The following TXK variants were observed in gnomAD, a reference collection of about 807,000 sequenced individuals.
TXK encodes the protein TXK tyrosine kinase.
Under a neutral mutation model 81.0 loss-of-function variants are expected in TXK, and 60 were observed. The ratio of observed to expected loss-of-function variants is 0.74; its 90% confidence interval spans 0.60 to 0.92. The LOEUF (loss-of-function observed/expected upper bound fraction) is 0.92, where lower values mean the gene tolerates loss of function less well. Among genes scored for constraint, TXK ranks in the 40% least tolerant of loss-of-function variants. The probability of loss-of-function intolerance (pLI) is 0.00; values close to 1 mark genes in which losing one functional copy is unlikely to be tolerated. For missense variants in TXK, 581 were observed against 638.3 expected, an observed-to-expected ratio of 0.91 and a Z score of 0.97; for synonymous variants, 203 against 210.7, an observed-to-expected ratio of 0.96 and a Z score of 0.32.
intron 3 of TXK, 73 bp from the exon 4 acceptor site, chr4:48,112,585 A>G: frequency 6.9e-7 from 1 of 1,458,422 alleles, no homozygotes; most frequent in South Asian, 1.4e-5. Flanking sequence ...GGGACAAAGC[A>G]TATTTGCCTT....
chr4:48,107,410 G>GC, intron 5 of TXK, among the ~76,000 whole-genome samples: 1 of 147,458 alleles, frequency 6.8e-6, no homozygotes, highest in South Asian at 2.2e-4. Flanking sequence ...CACACTACCT[G>GC]CTACCACCTT....
intron 1 of TXK, 45 bp downstream of exon 1, chr4:48,134,110 C>A (rs777263016): frequency 8.1e-6 from 13 of 1,610,848 alleles, no homozygotes; most frequent in Admixed American, 1.7e-5. Flanking sequence ...ATAACAGGCC[C>A]CAGAACAAGC....
chr4:48,108,033 T>G (rs1006890419), intron 5 of TXK, among the ~76,000 whole-genome samples: 3 of 152,040 alleles, frequency 2.0e-5, no homozygotes, highest in South Asian at 4.2e-4. Context: ...ATCACGACAC[T>G]GCACTCCAGC....
At chr4:48,106,507 A>G (rs1220236932) in intron 5 of TXK, among the ~76,000 whole-genome samples, 3 of 152,140 alleles carry the variant, frequency 2.0e-5, no homozygotes, top group African/African-American at 7.2e-5. Flanking sequence ...CAGGAATCCT[A>G]TGAACATTTT....
At chr4:48,120,598 C>T (rs1718932121) in intron 1 of TXK, among the ~76,000 whole-genome samples, 1 of 151,680 alleles carries the variant, frequency 6.6e-6, no homozygotes, top group African/African-American at 2.4e-5. Context: ...TCAAGCAATT[C>T]TCCTGCCTCA....
At chr4:48,079,173 TTA>T (rs1346169083) in intron 11 of TXK, among the ~76,000 whole-genome samples, 2 of 152,166 alleles carry the variant, frequency 1.3e-5, no homozygotes, top group Admixed American at 1.3e-4. Context: ...TGGGAGGAAT[TTA>T]TAGTTTATAG....
intron 5 of TXK, chr4:48,106,013 G>GA (rs1403384357): frequency 6.6e-6 from 1 of 151,976 alleles, no homozygotes; most frequent in African/African-American, 2.4e-5. Flanking sequence ...GAAGGAGAAA[G>GA]AAAAAATGGT....
intron 11 of TXK, among the ~76,000 whole-genome samples, chr4:48,077,277 A>AC (rs1192320430): frequency 2.0e-5 from 3 of 152,298 alleles, no homozygotes; most frequent in Admixed American, 2.0e-4. Context: ...ATGTAGGTAG[A>AC]TAAACTATTT....
In TXK at chr4:48,126,550, G is replaced by T. The variant is rs181113739; in HGVS notation, c.16+7605C>A. Among the ~76,000 whole-genome samples the T allele has an allele frequency of 3.9e-5, 6 of 152,244 alleles. No homozygotes were observed. The East Asian group carries it at 1.2e-3, about 29-fold the overall frequency. ...GAGTCTTGCTCTGTCATCCAGGCTG[G>T]AGTGCAGTGGCATGATCTCGGCTCA... On this transcript the variant is annotated intron_variant, in intron 1 of 14. Transcript: ENST00000264316.
At chr4:48,088,272 A>T (rs2109423547) in intron 9 of TXK, among the ~76,000 whole-genome samples, 1 of 152,338 alleles carries the variant, frequency 6.6e-6, no homozygotes, top group Middle Eastern at 3.4e-3. Context: ...ACATCTAAAC[A>T]TATGCATAGC....
chr4:48,094,996 T>G lies in TXK; in HGVS notation c.581+147A>C, dbSNP rs1204961836. 3 of 685,176 alleles carry G rather than the reference T, an allele frequency of 4.4e-6. No homozygotes were observed. In the Admixed American group the frequency reaches 8.0e-5, roughly 18 times the overall value. The allele number at this position is 685,176 out of a possible 1,614,324, so 42.4% of individuals were successfully genotyped here. A position where few individuals can be genotyped will look rare whatever the true frequency, so the allele number is the denominator to read the frequency against. ...AACTTATGCAATGTCACACAGAGCA[T>G]GCTAGGGATATATCACGGACTGGTT... On this transcript the variant is annotated intron_variant, in intron 7 of 14. Transcript: ENST00000264316.
Position 48,071,540 on chromosome 4 carries a change from C to T in TXK, c.1492G>A (p.Val498Ile). ...PHLAPMSIYEVMYSCWHEKPE... is the reference protein window; with the variant it reads ...PHLAPMSIYEIMYSCWHEKPE... ...ACCTCATGCCAGCAGCTGTACATGA[C>T]TTCATATATGGACATTGGTGCCAGG... Residue 498 changes from valine (V) to isoleucine (I), a missense_variant, in exon 14 of 15, where the codon GTC (valine) becomes ATC (isoleucine). Physicochemically the swap from Val to Ile is conservative, Grantham distance 29. Coordinates refer to ENST00000264316, the MANE Select transcript of TXK (RefSeq NM_003328.3). The T allele has an allele frequency of 6.2e-7, 1 of 1,614,008 alleles. No homozygotes were observed.
intron 10 of TXK, among the ~76,000 whole-genome samples, chr4:48,083,826 G>A (rs988108658): frequency 7.9e-5 from 12 of 152,166 alleles, no homozygotes; most frequent in Non-Finnish European, 1.6e-4. Flanking sequence ...TTCAGAGTAT[G>A]ACAAGTACTT....
At chr4:48,115,468 A>G (rs565547590) in intron 1 of TXK, among the ~76,000 whole-genome samples, 27 of 152,316 alleles carry the variant, frequency 1.8e-4, no homozygotes, top group Admixed American at 1.6e-3. Context: ...ATTTGAAGAA[A>G]GAACTAGCTA....
At chr4:48,090,794 C>T (rs996683087) in intron 8 of TXK, among the ~76,000 whole-genome samples, 3 of 152,094 alleles carry the variant, frequency 2.0e-5, no homozygotes, top group African/African-American at 4.8e-5. Flanking sequence ...CAAGGCAGAC[C>T]GGATAACATA....
chr4:48,081,876 A>G (rs763231820), intron 10 of TXK, among the ~76,000 whole-genome samples: 1 of 152,178 alleles, frequency 6.6e-6, no homozygotes, highest in African/African-American at 2.4e-5. Context: ...TTCGCCTGAT[A>G]TAATAATGTA....
intron 9 of TXK, among the ~76,000 whole-genome samples, chr4:48,088,668 A>T (rs988858293): frequency 2.6e-5 from 4 of 152,212 alleles, no homozygotes; most frequent in Admixed American, 2.6e-4. Context: ...TTGTTTTTAA[A>T]TTTTTTAAGT....
intron 6 of TXK, among the ~76,000 whole-genome samples, chr4:48,099,140 C>T (rs1407671596): frequency 6.6e-6 from 1 of 152,126 alleles, no homozygotes; most frequent in Non-Finnish European, 1.5e-5. Flanking sequence ...AGAGAATCAA[C>T]TGAAAACCTA....
intron 1 of TXK, among the ~76,000 whole-genome samples, chr4:48,127,313 T>C (rs1181491807): frequency 1.3e-5 from 2 of 152,224 alleles, no homozygotes; most frequent in Non-Finnish European, 2.9e-5. Context: ...TTCATTCCAA[T>C]GCAGGTATCA....
Sources: allele counts gnomAD v4.1 joint callset (sites outside exome capture counted in the v4.1 genomes callset), GRCh38; gene constraint gnomAD v4.1.1; transcripts MANE v1.5; gene names NCBI Gene and HGNC (gene_info 2026-07-23, HGNC 2026-07-21).